Variants in DEPTOR observed in about 807,000 individuals in gnomAD.
DEPTOR encodes the protein DEP domain containing MTOR interacting protein, also known as DEP domain-containing mTOR-interacting protein.
DEPTOR carries 41 observed loss-of-function variants against 41.6 expected under a neutral mutation model. That is an observed-to-expected ratio of 0.98 (90% CI 0.77 to 1.28). The LOEUF is 1.28. DEPTOR is among the 50% of genes most tolerant of loss of function. The probability of loss-of-function intolerance (pLI) is 0.00; values close to 1 mark genes in which losing one functional copy is unlikely to be tolerated. For synonymous variants in DEPTOR, 195 were observed against 192.3 expected (o/e 1.01, Z -0.12); for missense variants, 514 against 527.9 (o/e 0.97, Z 0.26).
chr8:119,998,899 G>A (rs1812306802), intron 4 of DEPTOR, among the ~76,000 whole-genome samples: 1 of 151,162 alleles, frequency 6.6e-6, no homozygotes, highest in Admixed American at 6.6e-5. Context: ...GTCTTCTTTG[G>A]GTGACTTCCT....
intron 4 of DEPTOR, among the ~76,000 whole-genome samples, chr8:119,981,368 A>G (rs754454027): frequency 4.6e-5 from 7 of 152,188 alleles, no homozygotes; most frequent in Non-Finnish European, 7.3e-5. Context: ...CAGAAGTCAA[A>G]AATGTAGGAT....
At chr8:119,935,237 C>T (rs528687754) in intron 3 of DEPTOR, among the ~76,000 whole-genome samples, 1 of 152,196 alleles carries the variant, frequency 6.6e-6, no homozygotes, top group South Asian at 2.1e-4. Context: ...AGACACTCAA[C>T]ACATGAACAT....
chr8:119,893,623 G>A (rs1425641742), intron 1 of DEPTOR, among the ~76,000 whole-genome samples: 1 of 152,144 alleles, frequency 6.6e-6, no homozygotes, highest in Non-Finnish European at 1.5e-5. Flanking sequence ...GACGTCAGGA[G>A]TTTGAGACCA....
intron 3 of DEPTOR, among the ~76,000 whole-genome samples, chr8:119,940,705 A>C (rs998204280): frequency 4.6e-5 from 7 of 152,172 alleles, no homozygotes; most frequent in Non-Finnish European, 8.8e-5. Context: ...GCGCCATTGC[A>C]CTCCAGCGTG....
intron 8 of DEPTOR, among the ~76,000 whole-genome samples, chr8:120,031,728 C>G (rs1812895698): frequency 6.6e-6 from 1 of 152,156 alleles, no homozygotes; most frequent in Non-Finnish European, 1.5e-5. Context: ...TCCCCCATTT[C>G]CATCATTGCC....
At chr8:119,954,049 A>C (rs1828387400) in intron 3 of DEPTOR, among the ~76,000 whole-genome samples, 1 of 151,580 alleles carries the variant, frequency 6.6e-6, no homozygotes, top group South Asian at 2.1e-4. Context: ...CAGGTGATCC[A>C]CCCGCCTTGG....
At chr8:119,937,897 G>C (rs952599470) in intron 3 of DEPTOR, among the ~76,000 whole-genome samples, 1 of 152,126 alleles carries the variant, frequency 6.6e-6, no homozygotes, top group South Asian at 2.1e-4. Flanking sequence ...ATTTTATAAT[G>C]GTCTTCAAGA....
intron 1 of DEPTOR, among the ~76,000 whole-genome samples, chr8:119,884,942 A>G (rs1337620850): frequency 6.6e-6 from 1 of 152,036 alleles, no homozygotes; most frequent in Non-Finnish European, 1.5e-5. Flanking sequence ...TGCCCAGCTA[A>G]TTGTTTGTAT....
At chr8:120,017,558 G>C (rs1225771608) in intron 8 of DEPTOR, among the ~76,000 whole-genome samples, 1 of 152,140 alleles carries the variant, frequency 6.6e-6, no homozygotes, top group Non-Finnish European at 1.5e-5. Flanking sequence ...TTTTGGAGAA[G>C]ATCAAATAAA....
chr8:119,912,502 G>A (rs1395217166), intron 1 of DEPTOR, among the ~76,000 whole-genome samples: 3 of 152,186 alleles, frequency 2.0e-5, no homozygotes, highest in Admixed American at 1.3e-4. Context: ...CTGCCTCCGC[G>A]ATAGCTGCGG....
At chr8:119,897,999 A>C (rs1225523638) in intron 1 of DEPTOR, among the ~76,000 whole-genome samples, 1 of 152,234 alleles carries the variant, frequency 6.6e-6, no homozygotes, top group African/African-American at 2.4e-5. Context: ...ACAAATATTC[A>C]TACATCATTT....
At chr8:120,028,867 C>T (rs1466352284) in intron 8 of DEPTOR, among the ~76,000 whole-genome samples, 12 of 151,670 alleles carry the variant, frequency 7.9e-5, no homozygotes, top group Non-Finnish European at 1.2e-4. Context: ...GGAGGATCAC[C>T]TGAGGTCAGG....
chr8:120,024,293 T>G (rs886810721), intron 8 of DEPTOR, among the ~76,000 whole-genome samples: 9 of 152,272 alleles, frequency 5.9e-5, no homozygotes, highest in Admixed American at 3.9e-4. Flanking sequence ...ACACATGACT[T>G]CTTTTACATC....
At chr8:120,001,025 C>T (rs905710390) in intron 4 of DEPTOR, among the ~76,000 whole-genome samples, 1 of 151,338 alleles carries the variant, frequency 6.6e-6, no homozygotes, top group Non-Finnish European at 1.5e-5. Context: ...TGCAGTGAGC[C>T]GAGATCATGC....
intron 6 of DEPTOR, among the ~76,000 whole-genome samples, chr8:120,004,704 T>G (rs1586654298): frequency 6.6e-6 from 1 of 152,300 alleles, no homozygotes; most frequent in Non-Finnish European, 1.5e-5. Context: ...CTCGTTTCCT[T>G]TCGTGGGTCC....
At chr8:119,925,703 C>A (rs1827955565) in intron 1 of DEPTOR, among the ~76,000 whole-genome samples, 1 of 152,166 alleles carries the variant, frequency 6.6e-6, no homozygotes, top group Admixed American at 6.5e-5. Context: ...CAGCTCACTG[C>A]AACCTCTGCC....
chr8:119,981,841 C>G (rs1023175106), intron 4 of DEPTOR, among the ~76,000 whole-genome samples: 6 of 151,490 alleles, frequency 4.0e-5, no homozygotes, highest in Admixed American at 3.3e-4. Context: ...ATGGTGAAAC[C>G]TCGTTCTACT....
intron 3 of DEPTOR, 133 bp from the exon 4 acceptor site, chr8:119,965,099 T>C: frequency 9.4e-6 from 9 of 954,846 alleles, no homozygotes; most frequent in Non-Finnish European, 1.4e-5. Flanking sequence ...AAATTACATG[T>C]GTGGTGGCAC....
At chr8:119,874,889 C>T (rs942777844) in intron 1 of DEPTOR, among the ~76,000 whole-genome samples, 1 of 152,142 alleles carries the variant, frequency 6.6e-6, no homozygotes, top group Non-Finnish European at 1.5e-5. Flanking sequence ...GAAAACCCAG[C>T]TCTGCAGCGT....
Sources: gnomAD v4.1 joint callset for allele counts (sites outside exome capture counted in the v4.1 genomes callset) on GRCh38, gnomAD v4.1.1 for gene constraint, MANE v1.5 for transcripts, NCBI Gene and HGNC (gene_info 2026-07-23, HGNC 2026-07-21) for gene names.